Variants in TRPM3 observed in about 807,000 individuals in gnomAD.
TRPM3 encodes the protein long transient receptor potential channel 3.
Under a neutral mutation model 181.2 loss-of-function variants are expected in TRPM3, and 77 were observed. The ratio of observed to expected loss-of-function variants is 0.42; its 90% confidence interval spans 0.35 to 0.51. The LOEUF is 0.51. Ranked by LOEUF, TRPM3 falls within the 20% of genes least tolerant of loss-of-function variation. The pLI, the probability that TRPM3 is intolerant of heterozygous loss-of-function variation, is 0.01. For missense variants in TRPM3, 1,759 were observed against 2,196.7 expected (o/e 0.80, Z 3.98); for synonymous variants, 745 against 796.4 (o/e 0.94, Z 1.09).
At chr9:70,655,834 G>T (rs2060259755) in intron 9 of TRPM3, among the ~76,000 whole-genome samples, 2 of 151,742 alleles carry the variant, frequency 1.3e-5, no homozygotes, top group South Asian at 4.2e-4. Context: ...AATTTAAAAG[G>T]TTATCAAGAA....
intron 1 of TRPM3, among the ~76,000 whole-genome samples, chr9:71,274,531 C>G (rs1200514214): frequency 6.6e-6 from 1 of 152,154 alleles, no homozygotes; most frequent in East Asian, 1.9e-4. Flanking sequence ...ACAGGAAATG[C>G]TGCAAAGACT....
intron 7 of TRPM3, 70 bp from the exon 8 acceptor site, chr9:70,761,794 G>A: frequency 6.6e-7 from 1 of 1,517,796 alleles, no homozygotes; most frequent in Non-Finnish European, 8.9e-7. Context: ...GAGAAATACA[G>A]AGCTCAAGAG....
At chr9:71,312,303 T>C (rs1306235599) in intron 1 of TRPM3, among the ~76,000 whole-genome samples, 2 of 152,024 alleles carry the variant, frequency 1.3e-5, no homozygotes, top group African/African-American at 2.4e-5. Context: ...GTAAAGATGC[T>C]CCATAATAAA....
intron 1 of TRPM3, among the ~76,000 whole-genome samples, chr9:71,373,921 T>C (rs1173760267): frequency 6.6e-6 from 1 of 152,210 alleles, no homozygotes; most frequent in Non-Finnish European, 1.5e-5. Context: ...AAAAAGCTTA[T>C]CCACCACAAT....
At chr9:70,937,125 T>G (rs1043975524) in intron 1 of TRPM3, among the ~76,000 whole-genome samples, 1 of 152,100 alleles carries the variant, frequency 6.6e-6, no homozygotes, top group African/African-American at 2.4e-5. Flanking sequence ...CTTCACCACA[T>G]GGCAAGAGTT....
intron 3 of TRPM3, among the ~76,000 whole-genome samples, chr9:70,850,996 G>A (rs372858939): frequency 6.6e-6 from 1 of 152,092 alleles, no homozygotes; most frequent in Non-Finnish European, 1.5e-5. Context: ...AAAATTATTT[G>A]CCCCTTGCAA....
intron 1 of TRPM3, among the ~76,000 whole-genome samples, chr9:71,362,508 A>G (rs1489281331): frequency 6.6e-6 from 1 of 152,164 alleles, no homozygotes; most frequent in Non-Finnish European, 1.5e-5. Flanking sequence ...TAAATAGTAA[A>G]AGTACACTGT....
At chr9:71,427,307 C>T (rs1376541032) in intron 1 of TRPM3, among the ~76,000 whole-genome samples, 1 of 152,092 alleles carries the variant, frequency 6.6e-6, no homozygotes, top group East Asian at 1.9e-4. Flanking sequence ...AGAAGCAACA[C>T]CTGGAAACTT....
At chr9:71,207,846 C>G (rs993073773) in intron 1 of TRPM3, among the ~76,000 whole-genome samples, 1 of 152,080 alleles carries the variant, frequency 6.6e-6, no homozygotes, top group African/African-American at 2.4e-5. Flanking sequence ...ATCTCTTTTA[C>G]TTTTATCCTT....
At chr9:71,176,735 T>A (rs1042796511) in intron 1 of TRPM3, among the ~76,000 whole-genome samples, 5 of 152,282 alleles carry the variant, frequency 3.3e-5, no homozygotes, top group African/African-American at 1.2e-4. Context: ...GTGCATGCCC[T>A]ATACAGGTAT....
At chr9:71,104,284 T>C (rs1039127539) in intron 1 of TRPM3, among the ~76,000 whole-genome samples, 2 of 152,202 alleles carry the variant, frequency 1.3e-5, no homozygotes, top group Non-Finnish European at 2.9e-5. Context: ...ACAGCCAACA[T>C]TTTGTAAAAC....
intron 1 of TRPM3, among the ~76,000 whole-genome samples, chr9:71,191,444 G>A (rs2078014719): frequency 6.6e-6 from 1 of 151,710 alleles, no homozygotes; most frequent in African/African-American, 2.4e-5. Flanking sequence ...CCTAGCTCAT[G>A]GTCTGTGCTA....
chr9:70,669,183 G>A (rs1041203045), intron 9 of TRPM3, among the ~76,000 whole-genome samples: 1 of 152,162 alleles, frequency 6.6e-6, no homozygotes, highest in African/African-American at 2.4e-5. Flanking sequence ...TAATTGACCT[G>A]GGTGTCTGAA....
intron 9 of TRPM3, among the ~76,000 whole-genome samples, chr9:70,641,786 C>T (rs1262944556): frequency 1.3e-5 from 2 of 152,112 alleles, no homozygotes. Context: ...TCCATAGAGG[C>T]AGCCTGCCAA....
chr9:70,746,284 AG>A (rs2075143774), intron 8 of TRPM3, among the ~76,000 whole-genome samples: 1 of 152,142 alleles, frequency 6.6e-6, no homozygotes, highest in African/African-American at 2.4e-5. Context: ...AGAGAGAGAG[AG>A]AGAGAGATGA....
At chr9:71,032,112 A>C (rs1164420554) in intron 1 of TRPM3, among the ~76,000 whole-genome samples, 1 of 105,026 alleles carries the variant, frequency 9.5e-6, no homozygotes, top group East Asian at 2.3e-4. Context: ...TATATATATT[A>C]TATTATATAT....
intron 15 of TRPM3, 141 bp downstream of exon 15, chr9:70,621,101 GTA>G (rs370008022): frequency 1.9e-4 from 40 of 207,432 alleles, no homozygotes; most frequent in Admixed American, 2.6e-4. Flanking sequence ...TATATTTATA[GTA>G]TATATATATT....
At chr9:71,367,244 A>G (rs2092364452) in intron 1 of TRPM3, among the ~76,000 whole-genome samples, 1 of 152,216 alleles carries the variant, frequency 6.6e-6, no homozygotes, top group African/African-American at 2.4e-5. Flanking sequence ...TATTTGATCA[A>G]TATGATCAAG....
intron 1 of TRPM3, among the ~76,000 whole-genome samples, chr9:71,258,952 T>C (rs138751912): frequency 0.011 from 1,654 of 152,286 alleles, 27 homozygotes; most frequent in East Asian, 0.074. Context: ...CATGTGGGTT[T>C]GTTACATAGG....
Sources: allele counts gnomAD v4.1 joint callset (sites outside exome capture counted in the v4.1 genomes callset), GRCh38; gene constraint gnomAD v4.1.1; transcripts MANE v1.5; gene names NCBI Gene and HGNC (gene_info 2026-07-23, HGNC 2026-07-21).